The following KNTC1 variants were observed in gnomAD, a reference collection of about 807,000 sequenced individuals.
The protein encoded by KNTC1 is kinetochore associated 1, also known as kinetochore-associated protein 1.
In KNTC1, 253 loss-of-function variants were observed where a neutral mutation model predicts 314.4. The ratio of observed to expected loss-of-function variants is 0.80; its 90% CI spans 0.73 to 0.89. The LOEUF (loss-of-function observed/expected upper bound fraction) is 0.89. Among genes scored for constraint, KNTC1 ranks in the 40% least tolerant of loss-of-function variants. KNTC1 has a pLI of 0.00. For missense variants in KNTC1, 2,475 were observed against 2,572.9 expected (o/e 0.96, Z 0.82); for synonymous variants, 901 against 901.4 (o/e 1.00, Z 0.01).
At chr12:122,536,614 G>T (rs1204957856) in intron 3 of KNTC1, among the ~76,000 whole-genome samples, 1 of 151,246 alleles carries the variant, frequency 6.6e-6, no homozygotes, top group South Asian at 2.1e-4. Context: ...CCACCTCCCA[G>T]GTTCAAGAGA....
intron 59 of KNTC1, among the ~76,000 whole-genome samples, chr12:122,619,287 C>T (rs1258862638): frequency 1.3e-5 from 2 of 151,224 alleles, no homozygotes; most frequent in African/African-American, 2.4e-5. Context: ...TGAGCCATCC[C>T]GTGAGTAGCT....
intron 2 of KNTC1, among the ~76,000 whole-genome samples, chr12:122,534,036 A>C (rs1327225538): frequency 6.6e-6 from 1 of 152,226 alleles, no homozygotes; most frequent in Non-Finnish European, 1.5e-5. Flanking sequence ...CCAGTGCTTC[A>C]AGACAGCTAT....
At chr12:122,564,228 C>T (rs1428558759) in intron 20 of KNTC1, among the ~76,000 whole-genome samples, 8 of 152,126 alleles carry the variant, frequency 5.3e-5, no homozygotes, top group Admixed American at 2.0e-4. Flanking sequence ...CCACCCACCT[C>T]GGCTTCCCAA....
At chr12:122,589,929 G>A (rs1869943779) in intron 40 of KNTC1, among the ~76,000 whole-genome samples, 1 of 151,806 alleles carries the variant, frequency 6.6e-6, no homozygotes, top group South Asian at 2.1e-4. Context: ...GACTACAGGT[G>A]CCCACCACCA....
chr12:122,618,594 TAA>T (rs775276470), intron 59 of KNTC1, 49 bp downstream of exon 59: 10 of 1,370,880 alleles, frequency 7.3e-6, no homozygotes, highest in Non-Finnish European at 1.0e-5. Context: ...TTGTTGCTTA[TAA>T]GATTCCCTTC....
At chr12:122,613,073 G>A (rs768726802) in intron 53 of KNTC1, 39 bp from the exon 54 acceptor site, 7 of 1,021,272 alleles carry the variant, frequency 6.9e-6, no homozygotes, top group Non-Finnish European at 1.1e-5. Flanking sequence ...ACTACAATGT[G>A]CAGGTGTTCA....
chr12:122,594,890 T>C (rs1870812716), intron 43 of KNTC1, among the ~76,000 whole-genome samples: 1 of 152,244 alleles, frequency 6.6e-6, no homozygotes, highest in South Asian at 2.1e-4. Flanking sequence ...ATTTAACTTC[T>C]TTCTTTATTT....
chr12:122,617,513 C>T (rs1032144488), intron 57 of KNTC1: 9 of 289,744 alleles, frequency 3.1e-5, no homozygotes, highest in Non-Finnish European at 4.3e-5. Context: ...TGTGAGCCAC[C>T]GCGCCTGGCC....
chr12:122,613,205 T>C lies in KNTC1; in HGVS notation c.5716T>C (p.Phe1906Leu), dbSNP rs1555239969. ...LADKETIESL[F>L]KKPIEEVKSY... The stretch of plus-strand genomic sequence containing the variant: ...TGACAAGGAAACTATAGAATCTCTC[T>C]TTAAAAAACCCATTGAAGAAGTGAA... Residue 1906 changes from phenylalanine (F) to leucine (L), a missense_variant, in exon 54 of 64, where the codon TTT (phenylalanine) becomes CTT (leucine). Transcript: ENST00000333479. The C allele has an allele frequency of 1.2e-6, 2 of 1,605,634 alleles. No homozygotes were observed. The highest frequency in any genetic ancestry group is 1.7e-6 in the Non-Finnish European group (2 of 1,173,058).
At chr12:122,556,758 C>T (rs771779361) in intron 16 of KNTC1, among the ~76,000 whole-genome samples, 34 of 151,850 alleles carry the variant, frequency 2.2e-4, no homozygotes, top group African/African-American at 8.2e-4. Flanking sequence ...CCACCGTGCC[C>T]GACCTCTACT....
At position 122,568,380 on chromosome 12, in the gene KNTC1, G is replaced by T; in HGVS notation, c.1716+8G>T. The stretch of plus-strand genomic sequence containing the variant: ...CTTTGGCTTCGACATCGGGTAACAT[G>T]TTTTACATTTTTTCCTTAACAGCTT... On this transcript the variant is annotated splice_region_variant and intron_variant, in intron 21 of 63. Coordinates refer to ENST00000333479, the MANE Select transcript of KNTC1 (RefSeq NM_014708.6). 6.7e-7 allele frequency: 1 copy of T among 1,503,260 alleles called. No individual in the cohort carries two copies. The highest frequency in any genetic ancestry group is 9.3e-7 in the Non-Finnish European group (1 of 1,080,814). 93.1% of individuals were successfully genotyped at this position (1,503,260 alleles called of 1,614,324 possible).
intron 34 of KNTC1, 131 bp from the exon 35 acceptor site, chr12:122,584,147 C>G (rs1868870183): frequency 1.4e-6 from 1 of 718,446 alleles, no homozygotes; most frequent in African/African-American, 1.8e-5. Context: ...AAAAACTACA[C>G]TATATACCAT....
chr12:122,530,155 A>G lies in KNTC1; in HGVS notation c.92A>G (p.Tyr31Cys), dbSNP rs772757441. Residue 31 changes from tyrosine (Y) to cysteine (C), a missense_variant, in exon 2 of 64, where the codon TAT becomes TGT. Tyr to Cys is a radical substitution (Grantham distance 194). Transcript: ENST00000333479. ...AGAAAAGAACATGGAACTGCTTTAT[A>G]TCAAGTAGATTTGCTAGTGAAGATC... ...GSRKEHGTALYQVDLLVKISS... is the reference protein window; with the variant it reads ...GSRKEHGTALCQVDLLVKISS... The G allele has an allele frequency of 6.2e-7, 1 of 1,613,644 alleles. No homozygotes were observed. Among genetic ancestry groups the G allele is most frequent in the South Asian group, 1.1e-5 (1 of 91,056 alleles).
intron 16 of KNTC1, among the ~76,000 whole-genome samples, chr12:122,555,562 AAG>A (rs1963526148): frequency 6.6e-6 from 1 of 151,646 alleles, no homozygotes; most frequent in African/African-American, 2.4e-5. Flanking sequence ...AAAAATAAAA[AAG>A]AAGGGCCGGG....
At chr12:122,609,119 C>A in intron 51 of KNTC1, 1 of 398,864 alleles carries the variant, frequency 2.5e-6, no homozygotes, top group East Asian at 4.8e-5. Flanking sequence ...AGGACAGGAA[C>A]ATTTGCTTTA....
At chr12:122,559,901 G>T in intron 18 of KNTC1, among the ~76,000 whole-genome samples, 1 of 152,172 alleles carries the variant, frequency 6.6e-6, no homozygotes, top group Middle Eastern at 3.4e-3. Context: ...AAATTTAATG[G>T]TATTAAATAC....
At chr12:122,580,282 G>C (rs983999447) in intron 32 of KNTC1, among the ~76,000 whole-genome samples, 3 of 152,104 alleles carry the variant, frequency 2.0e-5, no homozygotes, top group Non-Finnish European at 4.4e-5. Context: ...TGCTTATGAT[G>C]GTGGGGAGAA....
At chr12:122,531,883 G>A (rs1305974556) in intron 2 of KNTC1, among the ~76,000 whole-genome samples, 3 of 151,858 alleles carry the variant, frequency 2.0e-5, no homozygotes, top group Non-Finnish European at 2.9e-5. Context: ...ACAGGCGCCC[G>A]CCACTATGCC....
intron 16 of KNTC1, among the ~76,000 whole-genome samples, chr12:122,556,279 A>G (rs532262799): frequency 6.6e-6 from 1 of 152,056 alleles, no homozygotes; most frequent in African/African-American, 2.4e-5. Context: ...CGGCCTCCCA[A>G]AATGCAAGGA....
Sources: allele counts gnomAD v4.1 joint callset (sites outside exome capture counted in the v4.1 genomes callset), GRCh38; gene constraint gnomAD v4.1.1; transcripts MANE v1.5; gene names NCBI Gene and HGNC (gene_info 2026-07-23, HGNC 2026-07-21).